Variants in GPC6 observed in about 807,000 individuals in gnomAD.
The protein encoded by GPC6 is glypican 6, also known as glypican-6.
Under a neutral mutation model 55.2 loss-of-function variants are expected in GPC6, and 14 were observed. The ratio of observed to expected loss-of-function variants is 0.25; its 90% confidence interval spans 0.17 to 0.40. The LOEUF is 0.40. Among genes scored for constraint, GPC6 ranks in the 10% least tolerant of loss-of-function variants. The pLI is 1.00. For synonymous variants in GPC6, 278 were observed against 259.6 expected (o/e 1.07, Z -0.68); for missense variants, 641 against 708.5 (o/e 0.90, Z 1.08).
At chr13:94,050,655 A>C (rs1039406639) in intron 4 of GPC6, among the ~76,000 whole-genome samples, 1 of 152,152 alleles carries the variant, frequency 6.6e-6, no homozygotes, top group African/African-American at 2.4e-5. Context: ...ACCAGCGCTA[A>C]GGTGCCAGGA....
intron 2 of GPC6, among the ~76,000 whole-genome samples, chr13:93,701,118 T>TA (rs1882652369): frequency 6.6e-6 from 1 of 152,096 alleles, no homozygotes; most frequent in South Asian, 2.1e-4. Flanking sequence ...GAATTTGACT[T>TA]ACAAGGAGAG....
intron 2 of GPC6, among the ~76,000 whole-genome samples, chr13:93,700,368 G>A (rs1882626182): frequency 1.3e-5 from 2 of 151,984 alleles, no homozygotes; most frequent in South Asian, 4.1e-4. Context: ...CAGATATAAG[G>A]ATGTTCTACA....
chr13:93,776,325 A>C (rs1293253689), intron 2 of GPC6, among the ~76,000 whole-genome samples: 1 of 152,182 alleles, frequency 6.6e-6, no homozygotes. Context: ...ACAGCTCTGA[A>C]ATAGACACTA....
chr13:93,844,218 A>G (rs1259943083), intron 3 of GPC6, among the ~76,000 whole-genome samples: 1 of 152,202 alleles, frequency 6.6e-6, no homozygotes, highest in South Asian at 2.1e-4. Context: ...AGCTCACTGC[A>G]AACTTCACTT....
At chr13:93,284,000 G>C (rs775018356) in intron 1 of GPC6, among the ~76,000 whole-genome samples, 3 of 152,172 alleles carry the variant, frequency 2.0e-5, no homozygotes, top group Non-Finnish European at 2.9e-5. Context: ...ATTGACAACT[G>C]TACATAAAGG....
At chr13:94,330,630 G>A (rs1175342144) in intron 6 of GPC6, among the ~76,000 whole-genome samples, 1 of 152,128 alleles carries the variant, frequency 6.6e-6, no homozygotes, top group Non-Finnish European at 1.5e-5. Flanking sequence ...ATCAGAACCT[G>A]CATTTCAACA....
intron 2 of GPC6, among the ~76,000 whole-genome samples, chr13:93,815,759 A>G (rs746472365): frequency 6.6e-6 from 1 of 152,194 alleles, no homozygotes. Context: ...TAACTACATC[A>G]GGATATCTAT....
intron 1 of GPC6, among the ~76,000 whole-genome samples, chr13:93,437,833 T>C (rs1465420470): frequency 6.6e-6 from 1 of 152,174 alleles, no homozygotes; most frequent in Non-Finnish European, 1.5e-5. Flanking sequence ...AGCCCTCTAT[T>C]AGAAGAAAAT....
chr13:93,780,995 T>C (rs1217479240), intron 2 of GPC6, among the ~76,000 whole-genome samples: 7 of 152,064 alleles, frequency 4.6e-5, no homozygotes, highest in Admixed American at 2.0e-4. Flanking sequence ...AATATATAAT[T>C]GGCCGGGTGC....
At chr13:94,204,712 G>C (rs1053958234) in intron 4 of GPC6, among the ~76,000 whole-genome samples, 3 of 152,144 alleles carry the variant, frequency 2.0e-5, no homozygotes, top group Non-Finnish European at 4.4e-5. Flanking sequence ...TGCACTACAT[G>C]AGCAGGTTGG....
At chr13:93,328,536 G>A (rs182792980) in intron 1 of GPC6, among the ~76,000 whole-genome samples, 456 of 151,982 alleles carry the variant, frequency 3.0e-3, no homozygotes, top group Non-Finnish European at 4.7e-3. Context: ...TTAGCCTGGC[G>A]TGGTGGCATA....
chr13:94,119,587 T>C (rs9584189), intron 4 of GPC6, among the ~76,000 whole-genome samples: 5,261 of 152,138 alleles, frequency 0.035, 320 homozygotes, highest in African/African-American at 0.12. Flanking sequence ...ACAACTTGGC[T>C]GAGGGCAGTG....
chr13:94,367,943 G>T (rs1412825205), intron 6 of GPC6, among the ~76,000 whole-genome samples: 2 of 151,916 alleles, frequency 1.3e-5, no homozygotes, highest in Non-Finnish European at 2.9e-5. Context: ...GAGGTCAAAA[G>T]ATCAAGACCA....
At chr13:94,389,609 G>A (rs141058698) in intron 7 of GPC6, among the ~76,000 whole-genome samples, 7 of 152,104 alleles carry the variant, frequency 4.6e-5, no homozygotes, top group South Asian at 4.1e-4. Context: ...TTCTCTTCAC[G>A]CAGACCCTTT....
chr13:93,306,933 T>C (rs923524552), intron 1 of GPC6, among the ~76,000 whole-genome samples: 5 of 152,178 alleles, frequency 3.3e-5, no homozygotes, highest in African/African-American at 1.2e-4. Flanking sequence ...GCATGTTCTG[T>C]CTTTATAACC....
intron 1 of GPC6, among the ~76,000 whole-genome samples, chr13:93,512,152 T>G (rs1881004393): frequency 6.6e-6 from 1 of 152,114 alleles, no homozygotes; most frequent in South Asian, 2.1e-4. Context: ...ACCTCTCCTT[T>G]TCCAATTTGG....
At chr13:93,602,758 A>T (rs192712164) in intron 2 of GPC6, among the ~76,000 whole-genome samples, 11 of 152,310 alleles carry the variant, frequency 7.2e-5, no homozygotes, top group Admixed American at 7.2e-4. Flanking sequence ...AAATGCTATA[A>T]CTTAGTACTT....
chr13:93,269,274 T>G (rs1372212838), intron 1 of GPC6, among the ~76,000 whole-genome samples: 1 of 152,126 alleles, frequency 6.6e-6, no homozygotes, highest in Non-Finnish European at 1.5e-5. Context: ...CAGGGTTCTA[T>G]TAGTGAAAAC....
intron 3 of GPC6, among the ~76,000 whole-genome samples, chr13:93,939,645 A>G: frequency 6.6e-6 from 1 of 152,168 alleles, no homozygotes; most frequent in East Asian, 1.9e-4. Flanking sequence ...GATGGGGGTC[A>G]CACTATGTTG....
Sources: gnomAD v4.1 joint callset for allele counts (sites outside exome capture counted in the v4.1 genomes callset) on GRCh38, gnomAD v4.1.1 for gene constraint, MANE v1.5 for transcripts, NCBI Gene and HGNC (gene_info 2026-07-23, HGNC 2026-07-21) for gene names.